Variants in NAV3 observed in about 807,000 individuals in gnomAD.
The protein encoded by NAV3 is neuron navigator 3, also known as pore membrane and/or filament interacting like protein 1.
In NAV3, 87 loss-of-function variants were observed where a neutral mutation model predicts 244.7. That is an observed-to-expected ratio of 0.36 (90% CI 0.30 to 0.42). The LOEUF (loss-of-function observed/expected upper bound fraction) is 0.42. Ranked by LOEUF, NAV3 falls within the 20% of genes least tolerant of loss-of-function variation. NAV3 has a pLI of 1.00. For missense variants in NAV3, 2,663 were observed against 2,893.3 expected (o/e 0.92, Z 1.83); for synonymous variants, 1,126 against 1,042.2 (o/e 1.08, Z -1.55).
At chr12:77,779,625 G>C in intron 2 of NAV3, among the ~76,000 whole-genome samples, 1 of 151,978 alleles carries the variant, frequency 6.6e-6, no homozygotes, top group East Asian at 1.9e-4. Flanking sequence ...ATTGAAATAA[G>C]TTAAACACCA....
intron 12 of NAV3, among the ~76,000 whole-genome samples, chr12:78,098,750 A>C (rs1306048505): frequency 6.6e-6 from 1 of 151,850 alleles, no homozygotes; most frequent in African/African-American, 2.4e-5. Flanking sequence ...ATGTAATACA[A>C]ATGGATTATT....
At chr12:78,094,099 C>T (rs1423499903) in intron 12 of NAV3, among the ~76,000 whole-genome samples, 1 of 152,196 alleles carries the variant, frequency 6.6e-6, no homozygotes, top group Non-Finnish European at 1.5e-5. Context: ...TTTAGCTTCC[C>T]AAAGTGCTGG....
chr12:77,906,365 G>A (rs1235773823), intron 1 of NAV3, among the ~76,000 whole-genome samples: 6 of 152,122 alleles, frequency 3.9e-5, no homozygotes, highest in African/African-American at 7.2e-5. Context: ...CCAGCAGATC[G>A]CCCTTAGGAA....
intron 12 of NAV3, among the ~76,000 whole-genome samples, chr12:78,097,047 T>C (rs1377917266): frequency 6.6e-6 from 1 of 152,172 alleles, no homozygotes; most frequent in Non-Finnish European, 1.5e-5. Flanking sequence ...CAGATGGATG[T>C]TACTAAACAA....
At chr12:78,007,521 T>C (rs1302974698) in intron 8 of NAV3, 76 bp downstream of exon 8, 6 of 1,451,164 alleles carry the variant, frequency 4.1e-6, no homozygotes, top group Non-Finnish European at 5.5e-6. Context: ...TAGGGAAGGC[T>C]GATAAAGTGG....
intron 2 of NAV3, among the ~76,000 whole-genome samples, chr12:77,610,611 T>C (rs543024413): frequency 1.4e-4 from 22 of 152,052 alleles, no homozygotes; most frequent in Admixed American, 6.6e-4. Flanking sequence ...TGTAATTCTG[T>C]GGTTAAGATC....
chr12:78,131,780 G>A (rs184630171), intron 18 of NAV3, among the ~76,000 whole-genome samples: 3 of 152,156 alleles, frequency 2.0e-5, no homozygotes, highest in Admixed American at 1.3e-4. Context: ...AAAGAATGAC[G>A]GATATAGTGT....
intron 3 of NAV3, among the ~76,000 whole-genome samples, chr12:77,964,173 A>T (rs951248655): frequency 5.3e-5 from 8 of 151,936 alleles, no homozygotes; most frequent in African/African-American, 1.2e-4. Flanking sequence ...TTTATTTTAT[A>T]TGCTGGTTAA....
chr12:77,653,036 A>C (rs1318858396), intron 2 of NAV3, among the ~76,000 whole-genome samples: 2 of 137,002 alleles, frequency 1.5e-5, no homozygotes, highest in Non-Finnish European at 3.0e-5. Context: ...TAAATTTAAG[A>C]AACTGGAATA....
chr12:77,769,728 A>T (rs997845502), intron 2 of NAV3, among the ~76,000 whole-genome samples: 2 of 152,182 alleles, frequency 1.3e-5, no homozygotes, highest in African/African-American at 4.8e-5. Context: ...GCCATTATGG[A>T]AAGTCGGATT....
At chr12:77,775,374 A>G (rs1870301430) in intron 2 of NAV3, among the ~76,000 whole-genome samples, 1 of 151,554 alleles carries the variant, frequency 6.6e-6, no homozygotes, top group Non-Finnish European at 1.5e-5. Flanking sequence ...CATGGGCAAC[A>G]GGAGCAAAAG....
intron 2 of NAV3, among the ~76,000 whole-genome samples, chr12:77,631,392 T>C (rs1264274906): frequency 6.6e-6 from 1 of 152,060 alleles, no homozygotes; most frequent in Non-Finnish European, 1.5e-5. Context: ...AAAGACCATT[T>C]TATAGCGATT....
chr12:78,106,508 A>G (rs1954809270), intron 12 of NAV3, among the ~76,000 whole-genome samples: 1 of 152,222 alleles, frequency 6.6e-6, no homozygotes, highest in Non-Finnish European at 1.5e-5. Context: ...AATAGATTCA[A>G]TATAATGGTG....
intron 1 of NAV3, among the ~76,000 whole-genome samples, chr12:77,905,404 T>C (rs1189885157): frequency 6.6e-6 from 1 of 152,078 alleles, no homozygotes; most frequent in African/African-American, 2.4e-5. Flanking sequence ...GGGAAAAAAT[T>C]ACTATAAAAT....
intron 2 of NAV3, among the ~76,000 whole-genome samples, chr12:77,589,935 T>C (rs372205688): frequency 2.6e-5 from 4 of 152,244 alleles, no homozygotes; most frequent in East Asian, 3.8e-4. Context: ...CTCTGTAAAA[T>C]TGAGACAGTA....
intron 5 of NAV3, among the ~76,000 whole-genome samples, chr12:77,974,451 A>G (rs545157150): frequency 2.7e-5 from 4 of 147,592 alleles, no homozygotes; most frequent in African/African-American, 9.9e-5. Context: ...CCAGCTGTTT[A>G]TTATTATTTT....
intron 18 of NAV3, among the ~76,000 whole-genome samples, chr12:78,136,521 A>G (rs1050230487): frequency 4.6e-5 from 7 of 152,300 alleles, no homozygotes; most frequent in Middle Eastern, 3.4e-3. Context: ...ACTTTTGACC[A>G]TCTCATCATG....
intron 2 of NAV3, among the ~76,000 whole-genome samples, chr12:77,680,161 CCA>C (rs1201863879): frequency 2.6e-5 from 4 of 151,996 alleles, no homozygotes; most frequent in Non-Finnish European, 5.9e-5. Context: ...AGAATAGGAT[CCA>C]GAGTTCCAGT....
At chr12:77,670,322 A>G (rs759728666) in intron 2 of NAV3, among the ~76,000 whole-genome samples, 1 of 152,132 alleles carries the variant, frequency 6.6e-6, no homozygotes, top group Non-Finnish European at 1.5e-5. Flanking sequence ...CAACCAAAAA[A>G]GCCCAGAACT....
Sources: gnomAD v4.1 joint callset for allele counts (sites outside exome capture counted in the v4.1 genomes callset) on GRCh38, gnomAD v4.1.1 for gene constraint, MANE v1.5 for transcripts, NCBI Gene and HGNC (gene_info 2026-07-23, HGNC 2026-07-21) for gene names.